The following CDX1 variants were observed in gnomAD, a reference collection of about 807,000 sequenced individuals.
The protein encoded by CDX1 is homeobox protein CDX-1.
CDX1 carries 9 observed loss-of-function variants against 16.9 expected under a neutral mutation model. That is an observed-to-expected ratio of 0.53 (90% CI 0.32 to 0.93). The LOEUF (loss-of-function observed/expected upper bound fraction) is 0.93, where lower values mean the gene tolerates loss of function less well. Ranked by LOEUF, CDX1 falls within the 40% of genes least tolerant of loss-of-function variation. The pLI, the probability that CDX1 is intolerant of heterozygous loss-of-function variation, is 0.04. For missense variants in CDX1, 393 were observed against 386.1 expected, an observed-to-expected ratio of 1.02 and a Z score of -0.15; for synonymous variants, 179 against 179.0, an observed-to-expected ratio of 1.00 and a Z score of 0.00.
intron 1 of CDX1, among the ~76,000 whole-genome samples, chr5:150,177,102 T>A (rs768027352): frequency 1.1e-4 from 16 of 152,264 alleles, no homozygotes; most frequent in Non-Finnish European, 2.2e-4. Flanking sequence ...GAGGCCACAC[T>A]CTGTCCTTGC....
At chr5:150,174,808 C>G (rs570426357) in intron 1 of CDX1, among the ~76,000 whole-genome samples, 1 of 147,578 alleles carries the variant, frequency 6.8e-6, no homozygotes, top group African/African-American at 2.5e-5. Flanking sequence ...TGGAGTTTTG[C>G]TCTTGTCGCC....
chr5:150,183,362 C>T, intron 2 of CDX1, 112 bp from the exon 3 acceptor site: 1 of 979,378 alleles, frequency 1.0e-6, no homozygotes, highest in Non-Finnish European at 1.5e-6. Context: ...AGGAGATAAG[C>T]CACAAAGCCA....
At chr5:150,172,981 A>C (rs1404650418) in intron 1 of CDX1, among the ~76,000 whole-genome samples, 6 of 152,094 alleles carry the variant, frequency 3.9e-5, no homozygotes, top group Non-Finnish European at 8.8e-5. Context: ...CAACATTCAC[A>C]TCTGGAGTCA....
At chr5:150,173,196 G>T (rs572871045) in intron 1 of CDX1, among the ~76,000 whole-genome samples, 1 of 152,300 alleles carries the variant, frequency 6.6e-6, no homozygotes, top group South Asian at 2.1e-4. Context: ...GCCCCATCTT[G>T]TGCCTCTCTC....
Position 150,166,853 on chromosome 5 carries a change from T to G in CDX1, c.-24T>G. ...GCAGCGGCGGCTCCAGGGCCCAGCA[T>G]GCGCGGGGGACCCCGCGGCCACCAT... On this transcript the variant is annotated 5_prime_UTR_variant, in exon 1 of 3. An upstream start codon of the reference 5' UTR is lost. Transcript: ENST00000231656. The G allele has an allele frequency of 6.9e-7, 1 of 1,440,480 alleles. No individual in the cohort carries two copies. Among genetic ancestry groups the G allele is most frequent in the Non-Finnish European group, 9.1e-7 (1 of 1,096,186 alleles). 89.2% of individuals were successfully genotyped at this position (1,440,480 alleles called of 1,614,324 possible).
intron 1 of CDX1, among the ~76,000 whole-genome samples, chr5:150,172,665 G>A (rs866492531): frequency 8.5e-5 from 13 of 152,326 alleles, no homozygotes; most frequent in Middle Eastern, 6.8e-3. Context: ...GAGGCTGGGG[G>A]AGGAGGGGGC....
At chr5:150,182,500 T>C (rs907242260) in intron 1 of CDX1, among the ~76,000 whole-genome samples, 6 of 152,240 alleles carry the variant, frequency 3.9e-5, no homozygotes, top group Non-Finnish European at 7.3e-5. Flanking sequence ...GTCAGCAGCC[T>C]GCTGTGTAAC....
At chr5:150,178,066 C>T (rs964994490) in intron 1 of CDX1, among the ~76,000 whole-genome samples, 4 of 152,172 alleles carry the variant, frequency 2.6e-5, no homozygotes, top group African/African-American at 7.2e-5. Flanking sequence ...ATTTTGAGAC[C>T]CATTCTAGCG....
At position 150,183,784 on chromosome 5, in the gene CDX1, TG is replaced by T; in HGVS notation, c.*107del. 1.1e-6 allele frequency: 1 copy of T among 888,214 alleles called. No homozygotes were observed. The highest frequency in any genetic ancestry group is 1.7e-6 in the Non-Finnish European group (1 of 601,690). 55.0% of individuals were successfully genotyped at this position (888,214 alleles called of 1,614,324 possible). A position where few individuals can be genotyped will look rare whatever the true frequency, so the allele number is the denominator to read the frequency against. ...GGTCCGAGTCTCAGCCCTGACCTTC[TG>T]GGACATGGTGGACAGTCACCTATCC... is the stretch of plus-strand genomic sequence containing the variant. On this transcript the variant is annotated 3_prime_UTR_variant, in exon 3 of 3. Coordinates refer to ENST00000231656, the MANE Select transcript of CDX1 (RefSeq NM_001804.3).
chr5:150,182,972 T>C, intron 2 of CDX1, 59 bp downstream of exon 2: 1 of 1,538,762 alleles, frequency 6.5e-7, no homozygotes, highest in Non-Finnish European at 8.7e-7. Flanking sequence ...GTCTCCAGGC[T>C]GCCAGGCAGA....
chr5:150,179,875 C>T (rs2113953585), intron 1 of CDX1, among the ~76,000 whole-genome samples: 1 of 152,330 alleles, frequency 6.6e-6, no homozygotes, highest in South Asian at 2.1e-4. Flanking sequence ...ATGGCAGGCT[C>T]AGTGGGCCCT....
At chr5:150,172,621 G>A (rs1023885279) in intron 1 of CDX1, among the ~76,000 whole-genome samples, 4 of 152,198 alleles carry the variant, frequency 2.6e-5, no homozygotes, top group Admixed American at 6.5e-5. Flanking sequence ...GCCAGGTTGG[G>A]GGGAAAGGAG....
intron 1 of CDX1, among the ~76,000 whole-genome samples, chr5:150,172,703 G>A (rs375664809): frequency 5.1e-4 from 78 of 152,308 alleles, no homozygotes; most frequent in African/African-American, 1.8e-3. Flanking sequence ...GTTTAGAACC[G>A]ATTCTCCAGG....
intron 1 of CDX1, 90 bp downstream of exon 1, chr5:150,167,411 C>G (rs2113946581): frequency 1.1e-6 from 1 of 936,806 alleles, no homozygotes; most frequent in East Asian, 3.3e-5. Flanking sequence ...TGCTCCGGCC[C>G]TGCTCGGGTT....
intron 1 of CDX1, among the ~76,000 whole-genome samples, chr5:150,180,771 C>A (rs1761630682): frequency 6.6e-6 from 1 of 152,116 alleles, no homozygotes; most frequent in Non-Finnish European, 1.5e-5. Context: ...CTTAGCCAGG[C>A]CCCACACAAG....
chr5:150,182,886 T>A lies in CDX1; in HGVS notation c.564T>A (p.Ala188=), dbSNP rs1752482456. The A allele has an allele frequency of 6.2e-7, 1 of 1,612,198 alleles. No homozygotes were observed. The highest frequency in any genetic ancestry group is 2.2e-5 in the East Asian group (1 of 44,826). ...YITIRRKSEL[A]ANLGLTERQV... is the part of the protein sequence containing the mutation. Reference sequence around the variant, plus strand: ...CAATCCGGCGGAAATCAGAGCTGGCTGCCAATCTGGGGCTCACTGAACGGC... The same window carrying A: ...CAATCCGGCGGAAATCAGAGCTGGCAGCCAATCTGGGGCTCACTGAACGGC... Residue 188 remains alanine (A), a synonymous_variant, in exon 2 of 3, where the codon GCT becomes GCA. Coordinates refer to ENST00000231656, the MANE Select transcript of CDX1 (RefSeq NM_001804.3).
chr5:150,173,248 G>A (rs1761529308), intron 1 of CDX1, among the ~76,000 whole-genome samples: 1 of 152,236 alleles, frequency 6.6e-6, no homozygotes, highest in Non-Finnish European at 1.5e-5. Flanking sequence ...AATATTCTCT[G>A]AGTGAGTGTC....
intron 1 of CDX1, among the ~76,000 whole-genome samples, chr5:150,172,876 G>A (rs1423613156): frequency 6.6e-6 from 1 of 152,210 alleles, no homozygotes; most frequent in Non-Finnish European, 1.5e-5. Context: ...GGTCCAAAAT[G>A]GTTTGTTAGC....
At chr5:150,173,229 G>C (rs1364508639) in intron 1 of CDX1, among the ~76,000 whole-genome samples, 1 of 152,202 alleles carries the variant, frequency 6.6e-6, no homozygotes, top group African/African-American at 2.4e-5. Context: ...ATTCAAGCAG[G>C]CAAGCAGTAA....
Sources: gnomAD v4.1 joint callset for allele counts (sites outside exome capture counted in the v4.1 genomes callset) on GRCh38, gnomAD v4.1.1 for gene constraint, MANE v1.5 for transcripts, NCBI Gene and HGNC (gene_info 2026-07-23, HGNC 2026-07-21) for gene names.